CSNK1G1: variants seen among roughly 807,000 people sequenced by gnomAD.
CSNK1G1 encodes casein kinase I isoform gamma-1.
CSNK1G1 carries 22 observed loss-of-function variants against 59.6 expected under a neutral mutation model. That is an observed-to-expected ratio of 0.37 (90% CI 0.26 to 0.53). The LOEUF (loss-of-function observed/expected upper bound fraction) is 0.53. CSNK1G1 is among the 20% of genes least tolerant of loss of function. The pLI, the probability that CSNK1G1 is intolerant of heterozygous loss-of-function variation, is 0.89. For missense variants in CSNK1G1, 384 were observed against 519.5 expected, an observed-to-expected ratio of 0.74 and a Z score of 2.54; for synonymous variants, 179 against 177.1, an observed-to-expected ratio of 1.01 and a Z score of -0.08.
chr15:64,316,562 GAAAA>G lies in CSNK1G1; in HGVS notation c.-224-15843_-224-15840del, dbSNP rs1301855289. ...AAAAAAAAAAAAAAAAAAAAGAAAAGAAAAAAAGTTAATACAGCTTGTCTATCAT... is the reference window on the plus strand; with the variant it reads ...AAAAAAAAAAAAAAAAAAAAGAAAAGAAAGTTAATACAGCTTGTCTATCAT... On this transcript the variant is annotated intron_variant, in intron 1 of 11. Transcript: ENST00000303052. Among the ~76,000 whole-genome samples the G allele has an allele frequency of 3.7e-3, 518 of 141,538 alleles. 2 individuals are homozygous for G. Among genetic ancestry groups the G allele is most frequent in the African/African-American group, 0.013 (492 of 38,656 alleles). The allele number at this position is 141,538 out of a possible 152,430, so 92.9% of individuals were successfully genotyped here. A position where few individuals can be genotyped will look rare whatever the true frequency, so the allele number is the denominator to read the frequency against.
intron 4 of CSNK1G1, among the ~76,000 whole-genome samples, chr15:64,250,061 TA>T (rs1891990628): frequency 6.6e-6 from 1 of 152,200 alleles, no homozygotes; most frequent in Admixed American, 6.5e-5. Flanking sequence ...GTCTTTTCCC[TA>T]AAACTTATGA....
chr15:64,314,823 G>A (rs1435800531), intron 1 of CSNK1G1, among the ~76,000 whole-genome samples: 1 of 152,018 alleles, frequency 6.6e-6, no homozygotes. Flanking sequence ...CTTCTTTAAG[G>A]CTGAATATGT....
At position 64,300,430 on chromosome 15, in the gene CSNK1G1, G is replaced by A. The variant is rs764334958; in HGVS notation, c.70C>T (p.His24Tyr). Residue 24 changes from histidine to tyrosine, a missense_variant, in exon 2 of 12, where the codon CAC becomes TAC. Around this residue, in one of 3 missense-constraint regions of CSNK1G1, gnomAD observed 56 missense variants for 60.8 expected, o/e 0.92. Coordinates refer to ENST00000303052, the MANE Select transcript of CSNK1G1 (RefSeq NM_022048.5). ...TTKPMAQRSA[H>Y]CSRPSGSSSS... is the part of the protein sequence containing the mutation. ...GAGGAGCCAGATGGTCGAGAGCAGTGTGCACTCCTTTGTGCCATGGGTTTA... is the reference window on the plus strand; with the variant it reads ...GAGGAGCCAGATGGTCGAGAGCAGTATGCACTCCTTTGTGCCATGGGTTTA... 1.2e-6 allele frequency: 2 copies of A among 1,614,146 alleles called. No individual in the cohort carries two copies. The highest frequency in any genetic ancestry group is 3.3e-4 in the Middle Eastern group (2 of 6,062).
rs138081411 is a variant in CSNK1G1 at position 64,339,849 on chromosome 15, C to A, written c.-225+16139G>T. Among the ~76,000 whole-genome samples the A allele has an allele frequency of 6.7e-4, 102 of 152,250 alleles. 1 individual carries two copies. The East Asian group carries it at 0.017, about 26-fold the overall frequency. On this transcript the variant is annotated intron_variant, in intron 1 of 11. Coordinates refer to ENST00000303052, the MANE Select transcript of CSNK1G1 (RefSeq NM_022048.5). ...CTGAGGCTCTTTTCCTCTATTAATA[C>A]CACTGCCCTCAACTAGAGAATGGTC...
At chr15:64,316,084 T>C (rs1877540369) in intron 1 of CSNK1G1, among the ~76,000 whole-genome samples, 1 of 152,180 alleles carries the variant, frequency 6.6e-6, no homozygotes, top group African/African-American at 2.4e-5. Context: ...CGGAGTGCAG[T>C]AGCATGGTCA....
At chr15:64,213,141 T>C (rs1298004735) in intron 6 of CSNK1G1, among the ~76,000 whole-genome samples, 1 of 152,194 alleles carries the variant, frequency 6.6e-6, no homozygotes, top group Non-Finnish European at 1.5e-5. Context: ...ATGTTGATTT[T>C]CAAACATGTT....
chr15:64,267,086 C>A (rs764714012), intron 2 of CSNK1G1, among the ~76,000 whole-genome samples: 1 of 151,410 alleles, frequency 6.6e-6, no homozygotes, highest in Non-Finnish European at 1.5e-5. Context: ...CGAAACCCCA[C>A]CTCTACTAAA....
At chr15:64,173,812 C>T in intron 11 of CSNK1G1, among the ~76,000 whole-genome samples, 1 of 151,886 alleles carries the variant, frequency 6.6e-6, no homozygotes, top group Non-Finnish European at 1.5e-5. Flanking sequence ...CGGGGTTTCA[C>T]CATGTTGGCC....
chr15:64,296,290 T>C (rs1895017848), intron 2 of CSNK1G1, among the ~76,000 whole-genome samples: 1 of 152,032 alleles, frequency 6.6e-6, no homozygotes, highest in South Asian at 2.1e-4. Context: ...CCAGCTAATT[T>C]TTGTATTTTT....
chr15:64,235,187 T>C (rs1375050879), intron 4 of CSNK1G1, among the ~76,000 whole-genome samples: 4 of 152,218 alleles, frequency 2.6e-5, no homozygotes, highest in African/African-American at 9.6e-5. Flanking sequence ...GGCCTGTATA[T>C]TTCCTATCTT....
intron 1 of CSNK1G1, among the ~76,000 whole-genome samples, chr15:64,313,078 G>T (rs546693916): frequency 6.6e-6 from 1 of 152,296 alleles, no homozygotes; most frequent in East Asian, 1.9e-4. Flanking sequence ...AGTTAGAATG[G>T]TGATCATTAA....
At chr15:64,291,233 G>T (rs1313123100) in intron 2 of CSNK1G1, among the ~76,000 whole-genome samples, 1 of 152,116 alleles carries the variant, frequency 6.6e-6, no homozygotes, top group Non-Finnish European at 1.5e-5. Flanking sequence ...TAACTTAAAA[G>T]CAAAAATTTG....
chr15:64,316,308 G>A (rs992850172), intron 1 of CSNK1G1, among the ~76,000 whole-genome samples: 9 of 152,070 alleles, frequency 5.9e-5, no homozygotes, highest in African/African-American at 1.9e-4. Flanking sequence ...AGGCCAAGGC[G>A]AGCTCATCAC....
At chr15:64,262,719 A>G (rs1262607202) in intron 2 of CSNK1G1, among the ~76,000 whole-genome samples, 1 of 152,206 alleles carries the variant, frequency 6.6e-6, no homozygotes, top group African/African-American at 2.4e-5. Flanking sequence ...GATTTGGATA[A>G]AGTCTTTTTA....
chr15:64,187,661 C>T (rs1318066549), intron 10 of CSNK1G1, among the ~76,000 whole-genome samples: 1 of 152,136 alleles, frequency 6.6e-6, no homozygotes, highest in Non-Finnish European at 1.5e-5. Flanking sequence ...CCTGTCTGCA[C>T]CTTTATAAGA....
Position 64,218,619 on chromosome 15 carries a change from C to G in CSNK1G1, c.293-1906G>C, listed in dbSNP as rs1456332288. 2.0e-5 allele frequency among the ~76,000 whole-genome samples: 3 copies of G among 151,946 alleles called. No individual in the cohort carries two copies. In the East Asian group the frequency reaches 5.9e-4, roughly 30 times the overall value. The stretch of plus-strand genomic sequence containing the variant: ...GGCCAGGCTGCTCTCGAACTCCCGA[C>G]TTCAAGTGATCCATCCACCTCAGCC... On this transcript the variant is annotated intron_variant, in intron 4 of 11. Coordinates refer to ENST00000303052, the MANE Select transcript of CSNK1G1 (RefSeq NM_022048.5).
chr15:64,339,377 A>G (rs1257842569), intron 1 of CSNK1G1, among the ~76,000 whole-genome samples: 1 of 152,130 alleles, frequency 6.6e-6, no homozygotes, highest in Non-Finnish European at 1.5e-5. Context: ...CAGTGGCACA[A>G]TCTCCGCTCA....
At chr15:64,340,858 G>A (rs1436194169) in intron 1 of CSNK1G1, among the ~76,000 whole-genome samples, 4 of 152,168 alleles carry the variant, frequency 2.6e-5, no homozygotes, top group Non-Finnish European at 5.9e-5. Flanking sequence ...TTAGGAGGCT[G>A]AGGTGGGAGG....
At chr15:64,275,643 G>C (rs1893566885) in intron 2 of CSNK1G1, among the ~76,000 whole-genome samples, 2 of 152,070 alleles carry the variant, frequency 1.3e-5, no homozygotes, top group African/African-American at 2.4e-5. Flanking sequence ...TAACAAGACA[G>C]ACAATGCTCA....
Sources: allele counts gnomAD v4.1 joint callset (sites outside exome capture counted in the v4.1 genomes callset), GRCh38; gene constraint gnomAD v4.1.1; regional missense constraint gnomAD v4.1.1; transcripts MANE v1.5; gene names NCBI Gene and HGNC (gene_info 2026-07-23, HGNC 2026-07-21).